SLC26A7: variants seen among roughly 807,000 people sequenced by gnomAD.
The protein encoded by SLC26A7 is anion exchange transporter.
A neutral mutation model predicts 82.5 loss-of-function variants in SLC26A7; 59 were observed. The observed-to-expected ratio is 0.72, with a 90% CI of 0.58 to 0.89. The LOEUF is 0.89. Among genes scored for constraint, SLC26A7 ranks in the 40% least tolerant of loss-of-function variants. The pLI, the probability that SLC26A7 is intolerant of heterozygous loss-of-function variation, is 0.00. For missense variants in SLC26A7, 820 were observed against 793.0 expected, an observed-to-expected ratio of 1.03 and a Z score of -0.41; for synonymous variants, 271 against 274.3, an observed-to-expected ratio of 0.99 and a Z score of 0.12.
Position 91,363,520 on chromosome 8 carries a change from G to A in SLC26A7, c.1470G>A (p.Val490=), listed in dbSNP as rs1360522413. The change falls in exon 13 of 19, where the codon GTG becomes GTA. Residue 490 remains valine, a synonymous_variant. Transcript: ENST00000276609. The part of the protein sequence containing the change: ...IKNMKEMEFK[V]KTEMDSETLQ... ...ATATGAAAGAAATGGAATTTAAAGT[G>A]AAGACAGAAATGGACAGTGTAAGTT... The A allele has an allele frequency of 6.7e-7, 1 of 1,499,852 alleles. No individual in the cohort carries two copies. The highest frequency in any genetic ancestry group is 9.1e-7 in the Non-Finnish European group (1 of 1,094,718). 92.9% of individuals were successfully genotyped at this position (1,499,852 alleles called of 1,614,324 possible).
intron 6 of SLC26A7, among the ~76,000 whole-genome samples, chr8:91,336,055 C>T (rs753722748): frequency 6.6e-6 from 1 of 152,104 alleles, no homozygotes; most frequent in Non-Finnish European, 1.5e-5. Context: ...CTTGAGCCAC[C>T]CTGGGAGGAT....
At chr8:91,299,199 A>G (rs1812095607) in intron 4 of SLC26A7, among the ~76,000 whole-genome samples, 1 of 152,050 alleles carries the variant, frequency 6.6e-6, no homozygotes, top group South Asian at 2.1e-4. Context: ...TTTATATATT[A>G]TGGATATTAG....
rs1464771811 is a variant in SLC26A7, at chr8:91,318,236, A to G, written c.498A>G (p.Gln166=). ...GVIQVAMFVL[Q]LGSATFVVTE... is the part of the protein sequence containing the mutation. ...CTTAGGTGGCCATGTTTGTGCTGCA[A>G]CTGGGCAGTGCCACATTTGTGGTCA... The change falls in exon 5 of 19, where the codon CAA becomes CAG. Residue 166 remains glutamine, a synonymous_variant. Coordinates refer to ENST00000276609, the MANE Select transcript of SLC26A7 (RefSeq NM_052832.4). 6.2e-7 allele frequency: 1 copy of G among 1,600,622 alleles called. No homozygotes were observed. Among genetic ancestry groups the G allele is most frequent in the South Asian group, 1.1e-5 (1 of 89,248 alleles).
At chr8:91,305,322 A>G (rs1254693391) in intron 4 of SLC26A7, among the ~76,000 whole-genome samples, 1 of 152,158 alleles carries the variant, frequency 6.6e-6, no homozygotes, top group Non-Finnish European at 1.5e-5. Context: ...AATAGTAATA[A>G]ACTTATACTT....
At chr8:91,324,231 A>T (rs1812874721) in intron 5 of SLC26A7, among the ~76,000 whole-genome samples, 1 of 152,260 alleles carries the variant, frequency 6.6e-6, no homozygotes, top group Non-Finnish European at 1.5e-5. Flanking sequence ...AATGATGTAT[A>T]ATGATATAGG....
chr8:91,394,317 C>T (rs756001191), intron 18 of SLC26A7: 1 of 1,610,452 alleles, frequency 6.2e-7, no homozygotes, highest in Non-Finnish European at 8.5e-7. Flanking sequence ...CTTACTTGTA[C>T]AACAAATGCT....
rs1810599797 is a variant in SLC26A7, at chr8:91,249,527, T to C, written c.-113-12T>C. ...TCTCTCTCTCTCTTTTATTTACTTATTTTCTGGGCAGCTTTGACATTGTAA... is the reference window on the plus strand; with the variant it reads ...TCTCTCTCTCTCTTTTATTTACTTACTTTCTGGGCAGCTTTGACATTGTAA... On this transcript the variant is annotated splice_polypyrimidine_tract_variant and intron_variant, in intron 1 of 18. Transcript: ENST00000276609. 11 of 617,850 alleles carry C rather than the reference T, an allele frequency of 1.8e-5. No individual in the cohort carries two copies. The highest frequency in any genetic ancestry group is 2.5e-5 in the Non-Finnish European group (10 of 396,750). 38.3% of individuals were successfully genotyped at this position (617,850 alleles called of 1,614,324 possible). A position where few individuals can be genotyped will look rare whatever the true frequency, so the allele number is the denominator to read the frequency against.
In SLC26A7 at chr8:91,350,522, A is replaced by G. The variant is rs529770859; in HGVS notation, c.1141-1288A>G. Reference sequence around the variant, plus strand: ...AAAAAGTTTTCTCATACTCTTTTGTAGTCAATTCTTTGCCTCCACCTCCAG... The same window carrying G: ...AAAAAGTTTTCTCATACTCTTTTGTGGTCAATTCTTTGCCTCCACCTCCAG... On this transcript the variant is annotated intron_variant, in intron 9 of 18. Coordinates refer to ENST00000276609, the MANE Select transcript of SLC26A7 (RefSeq NM_052832.4). Among the ~76,000 whole-genome samples, 5 of 152,190 alleles carry G rather than the reference A, an allele frequency of 3.3e-5. No individual in the cohort carries two copies. The South Asian group carries it at 1.0e-3, about 32-fold the overall frequency.
rs541247574 is a variant in SLC26A7 at position 91,237,361 on chromosome 8, C to T, written c.-33-12258C>T. 2.6e-4 allele frequency among the ~76,000 whole-genome samples: 39 copies of T among 152,274 alleles called. No individual in the cohort carries two copies. The South Asian group carries it at 5.4e-3, about 21-fold the overall frequency. On this transcript the variant is annotated intron_variant, in intron 2 of 5. Coordinates refer to the SLC26A7 transcript ENST00000522862. The stretch of plus-strand genomic sequence containing the variant: ...CTGAAATTCAAATTCAACTAGATTT[C>T]CTGTATTTTTATTCGCTAAATCTGG...
chr8:91,213,769 G>A (rs1362592702), intron 1 of SLC26A7, among the ~76,000 whole-genome samples: 2 of 152,106 alleles, frequency 1.3e-5, no homozygotes, highest in East Asian at 1.9e-4. Context: ...TCAGATACAT[G>A]GAGAAGAAAG....
At chr8:91,322,823 G>T (rs181861714) in intron 5 of SLC26A7, among the ~76,000 whole-genome samples, 3 of 152,244 alleles carry the variant, frequency 2.0e-5, no homozygotes, top group Admixed American at 2.0e-4. Context: ...TTTATTTTCT[G>T]CCCTAAAAAT....
chr8:91,255,251 G>T (rs1810770344), intron 2 of SLC26A7, among the ~76,000 whole-genome samples: 1 of 151,990 alleles, frequency 6.6e-6, no homozygotes. Context: ...ACAAGGTTTT[G>T]GGCTGCAAAC....
At chr8:91,222,442 T>C (rs548499715) in intron 2 of SLC26A7, among the ~76,000 whole-genome samples, 123 of 152,304 alleles carry the variant, frequency 8.1e-4, no homozygotes, top group Admixed American at 6.9e-3. Context: ...CCTTGTCTTG[T>C]ACCAGTTTTC....
intron 14 of SLC26A7, among the ~76,000 whole-genome samples, chr8:91,367,057 G>C (rs1186428114): frequency 1.3e-5 from 2 of 152,000 alleles, no homozygotes; most frequent in South Asian, 4.2e-4. Context: ...ACCCAGGCTG[G>C]AGTGCAGTGG....
intron 5 of SLC26A7, among the ~76,000 whole-genome samples, chr8:91,326,197 G>T (rs1215438572): frequency 1.3e-5 from 2 of 152,142 alleles, no homozygotes; most frequent in African/African-American, 2.4e-5. Context: ...AGGGGAATTT[G>T]CTAGGGTCTA....
chr8:91,259,895 T>C (rs35869355), intron 2 of SLC26A7, among the ~76,000 whole-genome samples: 8,410 of 152,142 alleles, frequency 0.055, 271 homozygotes, highest in African/African-American at 0.069. Flanking sequence ...GGGCAAATAA[T>C]TTTATGTTCT....
At chr8:91,331,701 C>G (rs1563683039) in intron 5 of SLC26A7, among the ~76,000 whole-genome samples, 1 of 152,070 alleles carries the variant, frequency 6.6e-6, no homozygotes, top group Admixed American at 6.6e-5. Context: ...ATTAACATAT[C>G]TATTGCCTTC....
chr8:91,387,036 A>T (rs960997063), intron 15 of SLC26A7, among the ~76,000 whole-genome samples: 1 of 152,020 alleles, frequency 6.6e-6, no homozygotes, highest in Non-Finnish European at 1.5e-5. Context: ...TATTATATAA[A>T]TTTTTTATGT....
At chr8:91,311,748 G>A (rs1812493492) in intron 4 of SLC26A7, among the ~76,000 whole-genome samples, 1 of 152,176 alleles carries the variant, frequency 6.6e-6, no homozygotes. Flanking sequence ...AATATTTAAA[G>A]GGGAAAAGCA....
Sources: allele counts gnomAD v4.1 joint callset (sites outside exome capture counted in the v4.1 genomes callset), GRCh38; gene constraint gnomAD v4.1.1; transcripts MANE v1.5; gene names NCBI Gene and HGNC (gene_info 2026-07-23, HGNC 2026-07-21).